The following TTLL5 variants were observed in gnomAD, a reference collection of about 807,000 sequenced individuals.
TTLL5 encodes the protein tubulin polyglutamylase TTLL5.
TTLL5 carries 132 observed loss-of-function variants against 168.4 expected under a neutral mutation model. The ratio of observed to expected loss-of-function variants is 0.78; its 90% CI spans 0.68 to 0.91. The LOEUF (loss-of-function observed/expected upper bound fraction) is 0.91, where lower values mean the gene tolerates loss of function less well. Ranked by LOEUF, TTLL5 falls within the 40% of genes least tolerant of loss-of-function variation. The pLI is 0.00. For missense variants in TTLL5, 1,545 were observed against 1,581.5 expected (o/e 0.98, Z 0.39); for synonymous variants, 546 against 558.6 (o/e 0.98, Z 0.32).
Position 75,944,400 on chromosome 14 carries a change from C to CT in TTLL5, c.3824-10024_3824-10023insT, listed in dbSNP as rs1189657920. Among the ~76,000 whole-genome samples, 6 of 152,170 alleles carry CT rather than the reference C, an allele frequency of 3.9e-5. No individual in the cohort carries two copies. The South Asian group carries it at 1.2e-3, about 32-fold the overall frequency. ...CCCATCAGTGGAACAAACAGAGGCA[C>CT]AATCTTGCCCCTGTCTCCCTTGGGC... On this transcript the variant is annotated intron_variant, in intron 31 of 31. Coordinates refer to ENST00000298832, the MANE Select transcript of TTLL5 (RefSeq NM_015072.5).
At chr14:75,888,188 T>G (rs772889711) in intron 30 of TTLL5, among the ~76,000 whole-genome samples, 6 of 152,184 alleles carry the variant, frequency 3.9e-5, no homozygotes, top group Non-Finnish European at 8.8e-5. Context: ...GGGTTGCTTT[T>G]GGCATGGACA....
At chr14:75,895,363 C>T (rs2032602806) in intron 30 of TTLL5, among the ~76,000 whole-genome samples, 1 of 152,090 alleles carries the variant, frequency 6.6e-6, no homozygotes, top group African/African-American at 2.4e-5. Context: ...GCATGGACTC[C>T]TGCACTCAAT....
Position 75,776,869 on chromosome 14 carries a change from T to G in TTLL5, c.2387+19T>G. ...AAGCAAGGTAGTAGACATTCTTGAT[T>G]GATAAAAGCTGTCTTATTCCATCTT... On this transcript the variant is annotated intron_variant, in intron 23 of 31. Coordinates refer to ENST00000298832, the MANE Select transcript of TTLL5 (RefSeq NM_015072.5). 6.3e-7 allele frequency: 1 copy of G among 1,577,438 alleles called. No individual in the cohort carries two copies. The highest frequency in any genetic ancestry group is 8.7e-7 in the Non-Finnish European group (1 of 1,149,024).
intron 27 of TTLL5, among the ~76,000 whole-genome samples, chr14:75,812,609 A>C (rs1168906130): frequency 6.6e-6 from 1 of 152,178 alleles, no homozygotes; most frequent in Non-Finnish European, 1.5e-5. Flanking sequence ...GTTGCTAATG[A>C]AACTATTTTC....
Position 75,664,933 on chromosome 14 carries a change from T to C in TTLL5, c.74+1710T>C, listed in dbSNP as rs549888166. 7.2e-5 allele frequency among the ~76,000 whole-genome samples: 11 copies of C among 152,358 alleles called. No homozygotes were observed. The South Asian group carries it at 2.1e-3, about 29-fold the overall frequency. The stretch of plus-strand genomic sequence containing the variant: ...GAACTATATGAAACTGCCATTTTGG[T>C]AGGTCAGAAACAGTCAAATACTGAC... On this transcript the variant is annotated intron_variant, in intron 2 of 31. Transcript: ENST00000298832.
intron 31 of TTLL5, among the ~76,000 whole-genome samples, chr14:75,932,489 C>T (rs2034307878): frequency 6.6e-6 from 1 of 152,134 alleles, no homozygotes. Context: ...TCTCATTCAT[C>T]CCAACACAGC....
chr14:75,923,324 C>A (rs1255627905), intron 31 of TTLL5, among the ~76,000 whole-genome samples: 1 of 152,200 alleles, frequency 6.6e-6, no homozygotes, highest in African/African-American at 2.4e-5. Flanking sequence ...TTAGATCTTT[C>A]CTGCTTTCTC....
At chr14:75,736,921 G>A (rs75812951) in intron 15 of TTLL5, among the ~76,000 whole-genome samples, 138 of 152,284 alleles carry the variant, frequency 9.1e-4, no homozygotes, top group Non-Finnish European at 1.5e-3. Context: ...ATTAACCTAG[G>A]TGTACTAGAA....
intron 31 of TTLL5, among the ~76,000 whole-genome samples, chr14:75,926,029 G>C (rs1320788927): frequency 6.7e-6 from 1 of 149,180 alleles, no homozygotes; most frequent in Non-Finnish European, 1.5e-5. Flanking sequence ...TGGCATCAGA[G>C]GGAGACCGGG....
chr14:75,813,328 G>A (rs1021326561), intron 27 of TTLL5, among the ~76,000 whole-genome samples: 21 of 146,752 alleles, frequency 1.4e-4, no homozygotes, highest in African/African-American at 1.3e-4. Flanking sequence ...TTGAGACAGC[G>A]TCTTGCTCTA....
chr14:75,854,983 T>C (rs1897056967), intron 28 of TTLL5, among the ~76,000 whole-genome samples: 1 of 152,056 alleles, frequency 6.6e-6, no homozygotes, highest in Admixed American at 6.6e-5. Flanking sequence ...TTTTCCTTAG[T>C]GATGTCTTTT....
intron 30 of TTLL5, among the ~76,000 whole-genome samples, chr14:75,883,528 C>T (rs751088024): frequency 2.0e-5 from 3 of 152,146 alleles, no homozygotes; most frequent in Non-Finnish European, 2.9e-5. Flanking sequence ...GTTTTTGTGT[C>T]GCAGACATTT....
intron 28 of TTLL5, 105 bp from the exon 29 acceptor site, chr14:75,863,562 G>T: frequency 9.0e-7 from 1 of 1,107,532 alleles, no homozygotes; most frequent in South Asian, 1.8e-5. Flanking sequence ...ATTCCAAACT[G>T]TGCTTGGTTC....
At chr14:75,661,475 G>GA (rs1369164305) in intron 1 of TTLL5, 88 bp downstream of exon 1, 1 of 152,288 alleles carries the variant, frequency 6.6e-6, no homozygotes, top group Non-Finnish European at 1.5e-5. Context: ...TTCCCGCTCA[G>GA]AGCCCGGGAG....
intron 26 of TTLL5, among the ~76,000 whole-genome samples, chr14:75,784,061 A>C (rs1189837591): frequency 6.6e-6 from 1 of 152,198 alleles, no homozygotes; most frequent in African/African-American, 2.4e-5. Flanking sequence ...AAAATGTACA[A>C]TTCAGTAATT....
chr14:75,936,599 A>G (rs1477033522), intron 31 of TTLL5, among the ~76,000 whole-genome samples: 2 of 152,190 alleles, frequency 1.3e-5, no homozygotes, highest in Non-Finnish European at 2.9e-5. Context: ...CCACAGAGTG[A>G]GGGAAGCATC....
In TTLL5 at chr14:75,663,213, A is replaced by T. The variant is rs753316299; in HGVS notation, c.64A>T (p.Ile22Leu). The change falls in exon 2 of 32, where the codon ATA (isoleucine) becomes TTA (leucine). Residue 22 changes from isoleucine (I) to leucine (L), a missense_variant. Transcript: ENST00000298832. ...ATCATCCTCAGAGGATGAGGAGGTCATAAGTCAAGAGTAAGTAATAGCAAG... is the reference window on the plus strand; with the variant it reads ...ATCATCCTCAGAGGATGAGGAGGTCTTAAGTCAAGAGTAAGTAATAGCAAG... Reference protein sequence around the residue: ...TASSSEDEEVISQEDHPCIMW... With the variant: ...TASSSEDEEVLSQEDHPCIMW... 6.2e-7 allele frequency: 1 copy of T among 1,612,438 alleles called. No individual in the cohort carries two copies. Among genetic ancestry groups the T allele is most frequent in the Non-Finnish European group, 8.5e-7 (1 of 1,179,480 alleles).
chr14:75,704,471 G>A (rs1886506065), intron 7 of TTLL5, among the ~76,000 whole-genome samples: 1 of 152,192 alleles, frequency 6.6e-6, no homozygotes, highest in South Asian at 2.1e-4. Context: ...CCTAGGAAGT[G>A]GAGGTTGCAG....
chr14:75,944,473 C>T (rs1022622473), intron 31 of TTLL5, among the ~76,000 whole-genome samples: 4 of 152,188 alleles, frequency 2.6e-5, no homozygotes, highest in Non-Finnish European at 4.4e-5. Context: ...CCTGCCCTGA[C>T]AGCTAGCAAC....
Sources: allele counts gnomAD v4.1 joint callset (sites outside exome capture counted in the v4.1 genomes callset), GRCh38; gene constraint gnomAD v4.1.1; transcripts MANE v1.5; gene names NCBI Gene and HGNC (gene_info 2026-07-23, HGNC 2026-07-21).